The following TTLL11 variants were observed in gnomAD, a reference collection of about 807,000 sequenced individuals.
The protein encoded by TTLL11 is tubulin tyrosine ligase like 11.
In TTLL11, 42 loss-of-function variants were observed where a neutral mutation model predicts 51.7. That is an observed-to-expected ratio of 0.81 (90% CI 0.64 to 1.05). TTLL11 has a LOEUF of 1.05. TTLL11 is among the 50% of genes least tolerant of loss of function. TTLL11 has a pLI of 0.00. For missense variants in TTLL11, 799 were observed against 940.4 expected, an observed-to-expected ratio of 0.85 and a Z score of 1.97; for synonymous variants, 381 against 383.5, an observed-to-expected ratio of 0.99 and a Z score of 0.08.
chr9:121,980,284 A>C (rs919299372), intron 4 of TTLL11, among the ~76,000 whole-genome samples: 1 of 152,190 alleles, frequency 6.6e-6, no homozygotes, highest in Admixed American at 6.5e-5. Flanking sequence ...AACACTGGAC[A>C]GGTATACTTG....
chr9:122,003,503 G>C (rs1261769521), intron 3 of TTLL11, among the ~76,000 whole-genome samples: 1 of 36,366 alleles, frequency 2.7e-5, no homozygotes, highest in African/African-American at 1.2e-4. Flanking sequence ...TTTTTTTTTT[G>C]AGATGGAGTC....
intron 1 of TTLL11, among the ~76,000 whole-genome samples, chr9:122,062,011 G>A (rs1845448106): frequency 6.6e-6 from 1 of 152,144 alleles, no homozygotes; most frequent in Non-Finnish European, 1.5e-5. Context: ...TAAATAGGTG[G>A]TTCTCTGTCA....
chr9:121,880,546 T>C (rs1453126498), intron 6 of TTLL11, among the ~76,000 whole-genome samples: 1 of 152,224 alleles, frequency 6.6e-6, no homozygotes, highest in East Asian at 1.9e-4. Flanking sequence ...TCTTGCACAA[T>C]GCTAAGCCCA....
chr9:122,058,448 T>G (rs1325288275), intron 1 of TTLL11, among the ~76,000 whole-genome samples: 2 of 152,172 alleles, frequency 1.3e-5, no homozygotes, highest in Non-Finnish European at 2.9e-5. Context: ...AGGCAAGGAT[T>G]TAACAATAAC....
intron 4 of TTLL11, chr9:121,988,983 AAC>A: frequency 8.7e-7 from 1 of 1,155,314 alleles, no homozygotes; most frequent in Non-Finnish European, 1.2e-6. Context: ...TTTTACAGGT[AAC>A]AGAGGGGAAG....
chr9:121,996,393 T>G (rs926602477), intron 3 of TTLL11, among the ~76,000 whole-genome samples: 1 of 152,176 alleles, frequency 6.6e-6, no homozygotes, highest in South Asian at 2.1e-4. Flanking sequence ...CTTCTCCATA[T>G]TGAGCTTCCC....
At chr9:122,059,950 T>G (rs1184734146) in intron 1 of TTLL11, among the ~76,000 whole-genome samples, 1 of 152,192 alleles carries the variant, frequency 6.6e-6, no homozygotes, top group Non-Finnish European at 1.5e-5. Context: ...CCACAGCTGC[T>G]TGTCATAGTG....
chr9:121,897,334 T>C (rs1839562145), intron 6 of TTLL11, among the ~76,000 whole-genome samples: 1 of 152,156 alleles, frequency 6.6e-6, no homozygotes, highest in Non-Finnish European at 1.5e-5. Flanking sequence ...TAGCACGCGG[T>C]AGAACTGAGG....
intron 8 of TTLL11, among the ~76,000 whole-genome samples, chr9:121,856,004 C>G (rs1588072935): frequency 1.3e-5 from 2 of 152,258 alleles, no homozygotes; most frequent in Middle Eastern, 6.8e-3. Flanking sequence ...ACTGAGAGCA[C>G]TGGGTATAAT....
chr9:121,985,513 C>CTT (rs71371908), intron 4 of TTLL11, among the ~76,000 whole-genome samples: 63 of 97,268 alleles, frequency 6.5e-4, no homozygotes, highest in Non-Finnish European at 9.5e-4. Context: ...ATTTTCTTTT[C>CTT]TTTTTTTTTT....
chr9:122,052,808 G>A lies in TTLL11; in HGVS notation c.463-13440C>T, dbSNP rs140803831. On this transcript the variant is annotated intron_variant, in intron 1 of 8. Transcript: ENST00000321582. ...CAAGTGCAGAAAGGCTCCTTCCCTC[G>A]AGTTCAGGAACTTGGATTCAAATCT... Among the ~76,000 whole-genome samples, 7 of 152,212 alleles carry A rather than the reference G, an allele frequency of 4.6e-5. No homozygotes were observed. The East Asian group carries it at 9.7e-4, about 21-fold the overall frequency.
intron 1 of TTLL11, among the ~76,000 whole-genome samples, chr9:122,081,788 T>C (rs1396182691): frequency 6.6e-6 from 1 of 152,194 alleles, no homozygotes; most frequent in African/African-American, 2.4e-5. Flanking sequence ...TGGTAGACAT[T>C]TAAATAACCA....
intron 6 of TTLL11, among the ~76,000 whole-genome samples, chr9:121,902,358 G>C (rs1839807489): frequency 6.6e-6 from 1 of 152,224 alleles, no homozygotes; most frequent in South Asian, 2.1e-4. Context: ...CATGATGGAG[G>C]TGGTTTTGAA....
chr9:121,828,432 C>G (rs1000861085), intron 8 of TTLL11, among the ~76,000 whole-genome samples: 2 of 152,132 alleles, frequency 1.3e-5, no homozygotes, highest in African/African-American at 4.8e-5. Flanking sequence ...ACCTTGGCCT[C>G]CCAAAGTGCT....
At chr9:121,855,377 C>T (rs1473965349) in intron 8 of TTLL11, among the ~76,000 whole-genome samples, 8 of 152,160 alleles carry the variant, frequency 5.3e-5, no homozygotes, top group Admixed American at 5.2e-4. Flanking sequence ...CATGTGCATG[C>T]TTTTTCTCAC....
intron 6 of TTLL11, among the ~76,000 whole-genome samples, chr9:121,917,434 C>A (rs1369401934): frequency 6.7e-6 from 1 of 148,964 alleles, no homozygotes; most frequent in African/African-American, 2.5e-5. Flanking sequence ...TGCACCACTG[C>A]ACTTTAGCCT....
intron 6 of TTLL11, among the ~76,000 whole-genome samples, chr9:121,925,390 G>A (rs773962074): frequency 8.5e-5 from 13 of 152,278 alleles, no homozygotes; most frequent in East Asian, 1.9e-4. Context: ...TCCCGCTGCC[G>A]GGCCTCCATC....
chr9:121,919,002 G>T (rs1840433534), intron 6 of TTLL11, among the ~76,000 whole-genome samples: 1 of 152,196 alleles, frequency 6.6e-6, no homozygotes, highest in South Asian at 2.1e-4. Flanking sequence ...TGGGGTCCTG[G>T]TAATGTTCTA....
rs371437233 is a variant in TTLL11, at chr9:121,960,294, C to T, written c.1481+13715G>A. Among the ~76,000 whole-genome samples, 627 of 152,244 alleles carry T rather than the reference C, an allele frequency of 4.1e-3. 7 individuals carry two copies. The highest frequency in any genetic ancestry group is 0.014 in the African/African-American group (585 of 41,524). On this transcript the variant is annotated intron_variant, in intron 6 of 8. Transcript: ENST00000321582. ...GCTATAATTCATGCATTTTCATTGA[C>T]GTATAGTACTCCAGTGAGTGAATAA...
Sources: gnomAD v4.1 joint callset for allele counts (sites outside exome capture counted in the v4.1 genomes callset) on GRCh38, gnomAD v4.1.1 for gene constraint, MANE v1.5 for transcripts, NCBI Gene and HGNC (gene_info 2026-07-23, HGNC 2026-07-21) for gene names.